Variants in CBL observed in about 807,000 individuals in gnomAD.
The protein encoded by CBL is E3 ubiquitin-protein ligase CBL.
A neutral mutation model predicts 96.9 loss-of-function variants in CBL; 45 were observed. The ratio of observed to expected loss-of-function variants is 0.46; its 90% CI spans 0.37 to 0.60. The LOEUF (loss-of-function observed/expected upper bound fraction) is 0.60, where lower values mean the gene tolerates loss of function less well. Ranked by LOEUF, CBL falls within the 20% of genes least tolerant of loss-of-function variation. The pLI, the probability that CBL is intolerant of heterozygous loss-of-function variation, is 0.00. For synonymous variants in CBL, 420 were observed against 426.8 expected (o/e 0.98, Z 0.20); for missense variants, 1,024 against 1,143.5 (o/e 0.90, Z 1.51).
intron 12 of CBL, among the ~76,000 whole-genome samples, chr11:119,292,474 G>A (rs1024603111): frequency 6.6e-6 from 1 of 151,240 alleles, no homozygotes; most frequent in Non-Finnish European, 1.5e-5. Flanking sequence ...AGGCTGGAGT[G>A]CAGTGGCGCA....
intron 2 of CBL, among the ~76,000 whole-genome samples, chr11:119,251,249 C>G (rs1187930801): frequency 6.6e-6 from 1 of 152,160 alleles, no homozygotes; most frequent in Non-Finnish European, 1.5e-5. Flanking sequence ...AATAACCTGG[C>G]CTTTGCCTTT....
chr11:119,234,884 T>C (rs1949530907), intron 2 of CBL, among the ~76,000 whole-genome samples: 1 of 152,228 alleles, frequency 6.6e-6, no homozygotes, highest in South Asian at 2.1e-4. Context: ...AATAGGAATT[T>C]TCTAGGCAGA....
At chr11:119,232,757 A>G (rs971623459) in intron 2 of CBL, 62 bp downstream of exon 2, 16 of 1,499,548 alleles carry the variant, frequency 1.1e-5, no homozygotes, top group Admixed American at 5.0e-5. Context: ...TGGGTAACAC[A>G]TAGAAGTAGT....
At chr11:119,281,930 T>A (rs1463167540) in intron 9 of CBL, among the ~76,000 whole-genome samples, 1 of 152,232 alleles carries the variant, frequency 6.6e-6, no homozygotes. Flanking sequence ...ATTTGGATAT[T>A]TATGTCCTTT....
intron 2 of CBL, among the ~76,000 whole-genome samples, chr11:119,246,576 C>T (rs1229066627): frequency 2.1e-4 from 32 of 152,142 alleles, no homozygotes; most frequent in Admixed American, 1.6e-3. Context: ...CTCAGCCTCC[C>T]GAGTAGCTGG....
At chr11:119,236,361 C>CT (rs984221170) in intron 2 of CBL, among the ~76,000 whole-genome samples, 2 of 151,832 alleles carry the variant, frequency 1.3e-5, no homozygotes, top group Admixed American at 1.3e-4. Flanking sequence ...TGTGTGTCTT[C>CT]TTTCGCTTAG....
chr11:119,256,686 G>GTT (rs56753854), intron 2 of CBL, among the ~76,000 whole-genome samples: 2 of 134,814 alleles, frequency 1.5e-5, no homozygotes, highest in Non-Finnish European at 1.6e-5. Flanking sequence ...TATGTAGTTT[G>GTT]TTTTTTTTTT....
At chr11:119,238,700 G>A (rs1347625311) in intron 2 of CBL, among the ~76,000 whole-genome samples, 2 of 151,978 alleles carry the variant, frequency 1.3e-5, no homozygotes, top group Non-Finnish European at 2.9e-5. Flanking sequence ...GTGTGCTGGC[G>A]AGTACCTCTA....
At chr11:119,280,945 T>C (rs1316291484) in intron 9 of CBL, among the ~76,000 whole-genome samples, 3 of 152,250 alleles carry the variant, frequency 2.0e-5, no homozygotes, top group African/African-American at 7.2e-5. Context: ...TGCTTTCTTA[T>C]ACAACTTTCT....
chr11:119,282,254 C>T (rs1419346769), intron 9 of CBL, among the ~76,000 whole-genome samples: 1 of 151,510 alleles, frequency 6.6e-6, no homozygotes, highest in African/African-American at 2.4e-5. Flanking sequence ...CAGAGAATGG[C>T]TTGAACCTGG....
intron 1 of CBL, among the ~76,000 whole-genome samples, chr11:119,220,449 A>T (rs1322791708): frequency 6.6e-6 from 1 of 152,200 alleles, no homozygotes; most frequent in Non-Finnish European, 1.5e-5. Flanking sequence ...TGTCTAAAAA[A>T]ATATTAGCCA....
chr11:119,283,432 C>T (rs1251567303), intron 9 of CBL, among the ~76,000 whole-genome samples: 2 of 151,792 alleles, frequency 1.3e-5, no homozygotes, highest in Non-Finnish European at 2.9e-5. Flanking sequence ...AATTTAAATG[C>T]AGAGTAGCAT....
rs371065029 is a variant in CBL, at chr11:119,285,191, T to G, written c.1566T>G (p.Ala522=). The change falls in exon 11 of 16, where the codon GCT becomes GCG. Residue 522 remains alanine (A), a splice_region_variant and synonymous_variant. Coordinates refer to ENST00000264033, the MANE Select transcript of CBL (RefSeq NM_005188.4). The stretch of plus-strand genomic sequence containing the variant: ...TTGCTTTCACCCTGCTTCCACAGGC[T>G]GCTTCTGGCTCCCTTCATAAAGACA... ...SASALGTASK[A]ASGSLHKDKP... 1.2e-6 allele frequency: 2 copies of G among 1,614,196 alleles called. No individual in the cohort carries two copies. The highest frequency in any genetic ancestry group is 1.7e-6 in the Non-Finnish European group (2 of 1,180,028).
chr11:119,252,740 G>C (rs556223226), intron 2 of CBL, among the ~76,000 whole-genome samples: 1 of 140,568 alleles, frequency 7.1e-6, no homozygotes, highest in East Asian at 2.1e-4. Context: ...TTAGCTGGGC[G>C]TGGTGGTAGG....
intron 5 of CBL, among the ~76,000 whole-genome samples, chr11:119,275,698 A>G (rs1949884594): frequency 6.6e-6 from 1 of 151,780 alleles, no homozygotes; most frequent in South Asian, 2.1e-4. Context: ...CCCCATCTCT[A>G]CTAAAAATAC....
chr11:119,280,345 A>G (rs970844196), intron 9 of CBL, among the ~76,000 whole-genome samples: 2 of 152,224 alleles, frequency 1.3e-5, no homozygotes, highest in African/African-American at 2.4e-5. Flanking sequence ...AGGTAAGTAT[A>G]TGGATGTTTT....
At chr11:119,257,420 C>A (rs935673114) in intron 2 of CBL, among the ~76,000 whole-genome samples, 9 of 152,094 alleles carry the variant, frequency 5.9e-5, no homozygotes, top group Admixed American at 5.2e-4. Context: ...TAGAGAAATG[C>A]CTATTTATGT....
At chr11:119,278,429 T>C in intron 8 of CBL, 81 bp from the exon 9 acceptor site, 3 of 1,533,872 alleles carry the variant, frequency 2.0e-6, no homozygotes, top group Non-Finnish European at 2.7e-6. Context: ...TTTTTTGATC[T>C]CTAGGAAATG....
intron 1 of CBL, among the ~76,000 whole-genome samples, chr11:119,208,781 G>A (rs535359211): frequency 6.6e-6 from 1 of 152,222 alleles, no homozygotes; most frequent in South Asian, 2.1e-4. Flanking sequence ...ATTCTACAAG[G>A]TAGCCCAAAT....
Sources: gnomAD v4.1 joint callset for allele counts (sites outside exome capture counted in the v4.1 genomes callset) on GRCh38, gnomAD v4.1.1 for gene constraint, MANE v1.5 for transcripts, NCBI Gene and HGNC (gene_info 2026-07-23, HGNC 2026-07-21) for gene names.